Variants in PRKCE observed in about 807,000 individuals in gnomAD.
PRKCE encodes the protein protein kinase C epsilon.
A neutral mutation model predicts 85.4 loss-of-function variants in PRKCE; 16 were observed. That is an observed-to-expected ratio of 0.19 (90% CI 0.13 to 0.28). PRKCE has a LOEUF of 0.28. Ranked by LOEUF, PRKCE falls within the 10% of genes least tolerant of loss-of-function variation. PRKCE has a pLI of 1.00. For missense variants in PRKCE, 573 were observed against 975.2 expected, an observed-to-expected ratio of 0.59 and a Z score of 5.49; for synonymous variants, 388 against 371.5, an observed-to-expected ratio of 1.04 and a Z score of -0.51.
At chr2:46,101,857 T>C (rs1671262191) in intron 11 of PRKCE, among the ~76,000 whole-genome samples, 1 of 48,296 alleles carries the variant, frequency 2.1e-5, no homozygotes, top group African/African-American at 7.3e-5. Flanking sequence ...TAAACTGGCT[T>C]TCAAAAAAAA....
In PRKCE at chr2:46,004,660, C is replaced by T. The variant is rs1705012916; in HGVS notation, c.1063+22C>T. 10 of 1,544,692 alleles carry T rather than the reference C, an allele frequency of 6.5e-6. No individual in the cohort carries two copies. Among genetic ancestry groups the T allele is most frequent in the Non-Finnish European group, 7.0e-6 (8 of 1,146,368 alleles). ...CAGGGTGAGACCCTCAGATTTGCTT[C>T]CTGACCTCTGAGTTCTGCCATTGGA... On this transcript the variant is annotated intron_variant, in intron 8 of 14. Transcript: ENST00000306156. The surrounding 1 kb of genome is among the most constrained non-coding windows in gnomAD (Gnocchi z 4.1).
intron 2 of PRKCE, among the ~76,000 whole-genome samples, chr2:45,953,352 C>T (rs181392465): frequency 1.3e-5 from 2 of 152,208 alleles, no homozygotes; most frequent in Admixed American, 6.5e-5. Context: ...AGAGCCAAGA[C>T]GATTCTCCAT....
intron 11 of PRKCE, among the ~76,000 whole-genome samples, chr2:46,132,917 C>T (rs1368025542): frequency 6.6e-6 from 1 of 152,156 alleles, no homozygotes; most frequent in Non-Finnish European, 1.5e-5. Flanking sequence ...TGGGTGACCC[C>T]CACTTTGCAG....
intron 2 of PRKCE, among the ~76,000 whole-genome samples, chr2:45,969,728 A>T (rs1701983609): frequency 6.6e-6 from 1 of 152,338 alleles, no homozygotes; most frequent in South Asian, 2.1e-4. Context: ...ACTAAAGAGC[A>T]TTAGAGAACA....
intron 1 of PRKCE, among the ~76,000 whole-genome samples, chr2:45,782,758 TATACACACAC>T (rs1686291955): frequency 6.6e-6 from 1 of 151,810 alleles, no homozygotes; most frequent in South Asian, 2.1e-4. Flanking sequence ...ACTATATATA[TATACACACAC>T]ATACACACAC....
At chr2:46,137,077 T>G (rs1321717337) in intron 11 of PRKCE, among the ~76,000 whole-genome samples, 1 of 152,212 alleles carries the variant, frequency 6.6e-6, no homozygotes, top group East Asian at 1.9e-4. Flanking sequence ...GGAGGCAGAA[T>G]TTCTGGGATA....
intron 1 of PRKCE, among the ~76,000 whole-genome samples, chr2:45,830,647 A>G (rs1011347157): frequency 5.3e-5 from 8 of 150,902 alleles, no homozygotes. Flanking sequence ...ATCCCAAAAG[A>G]CACCCTGAGA....
intron 1 of PRKCE, among the ~76,000 whole-genome samples, chr2:45,756,159 G>A (rs1227719358): frequency 6.6e-6 from 1 of 152,196 alleles, no homozygotes; most frequent in Non-Finnish European, 1.5e-5. Flanking sequence ...TGAGACTGAT[G>A]GGGATGAGTC....
intron 11 of PRKCE, among the ~76,000 whole-genome samples, chr2:46,123,521 C>T (rs1673547648): frequency 6.6e-6 from 1 of 152,122 alleles, no homozygotes. Context: ...CAGAGTCTCG[C>T]TCTGTCGCCC....
intron 2 of PRKCE, among the ~76,000 whole-genome samples, chr2:45,860,347 C>G (rs1693046548): frequency 6.6e-6 from 1 of 152,188 alleles, no homozygotes; most frequent in South Asian, 2.1e-4. Flanking sequence ...CCATGTAACT[C>G]TGGCCTTCTC....
At chr2:45,835,585 G>A (rs1021459676) in intron 1 of PRKCE, among the ~76,000 whole-genome samples, 18 of 140,812 alleles carry the variant, frequency 1.3e-4, no homozygotes, top group African/African-American at 4.0e-4. Flanking sequence ...TGCATGTATC[G>A]GTAGTATATT....
At chr2:46,165,566 T>C (rs1375830073) in intron 14 of PRKCE, among the ~76,000 whole-genome samples, 1 of 152,244 alleles carries the variant, frequency 6.6e-6, no homozygotes, top group Non-Finnish European at 1.5e-5. Flanking sequence ...CATCCCAAGA[T>C]GATGGCCTTG....
chr2:45,877,786 G>C lies in PRKCE; in HGVS notation c.412+34723G>C, dbSNP rs570618444. 3.9e-4 allele frequency among the ~76,000 whole-genome samples: 60 copies of C among 152,294 alleles called. 1 individual carries two copies. The highest frequency in any genetic ancestry group is 3.3e-3 in the South Asian group (16 of 4,824). On this transcript the variant is annotated intron_variant, in intron 2 of 14. Coordinates refer to ENST00000306156, the MANE Select transcript of PRKCE (RefSeq NM_005400.3). ...AACTGATCCAATAGCCCCACAGACTGTTCTTTTTGATTAACATAATTATTC... is the reference window on the plus strand; with the variant it reads ...AACTGATCCAATAGCCCCACAGACTCTTCTTTTTGATTAACATAATTATTC...
chr2:46,095,937 T>C (rs1427654193), intron 11 of PRKCE, among the ~76,000 whole-genome samples: 1 of 152,248 alleles, frequency 6.6e-6, no homozygotes, highest in East Asian at 1.9e-4. Flanking sequence ...ACTTATTGAG[T>C]CATCACACCA....
chr2:46,044,491 T>G (rs1708400620), intron 10 of PRKCE, among the ~76,000 whole-genome samples: 1 of 152,206 alleles, frequency 6.6e-6, no homozygotes, highest in African/African-American at 2.4e-5. Flanking sequence ...TAAATACGCT[T>G]GTATTTAACT....
intron 11 of PRKCE, among the ~76,000 whole-genome samples, chr2:46,127,368 A>G (rs1306088165): frequency 6.6e-6 from 1 of 152,212 alleles, no homozygotes; most frequent in Non-Finnish European, 1.5e-5. Flanking sequence ...GTTTATATAT[A>G]TAAAAGAGAG....
chr2:45,979,898 C>G (rs1702749653), intron 4 of PRKCE, among the ~76,000 whole-genome samples: 1 of 152,140 alleles, frequency 6.6e-6, no homozygotes, highest in South Asian at 2.1e-4. Context: ...TTCCCCCTAT[C>G]ACGTCAGCCA....
At chr2:46,124,435 C>T (rs1673650415) in intron 11 of PRKCE, among the ~76,000 whole-genome samples, 1 of 152,108 alleles carries the variant, frequency 6.6e-6, no homozygotes, top group Non-Finnish European at 1.5e-5. Flanking sequence ...GAATAGATGG[C>T]AATCTATAGA....
At chr2:45,682,306 A>T (rs1676965576) in intron 1 of PRKCE, among the ~76,000 whole-genome samples, 2 of 152,232 alleles carry the variant, frequency 1.3e-5, no homozygotes, top group South Asian at 4.1e-4. Context: ...ATGTTTGATG[A>T]GCACCGATTT....
Sources: allele counts gnomAD v4.1 joint callset (sites outside exome capture counted in the v4.1 genomes callset), GRCh38; gene constraint gnomAD v4.1.1; non-coding constraint Gnocchi (gnomAD v3.1); transcripts MANE v1.5; gene names NCBI Gene and HGNC (gene_info 2026-07-23, HGNC 2026-07-21).